The following KCNQ5 variants were observed in gnomAD, a reference collection of about 807,000 sequenced individuals.
KCNQ5 encodes potassium voltage-gated channel subfamily KQT member 5.
A neutral mutation model predicts 98.2 loss-of-function variants in KCNQ5; 30 were observed. The observed-to-expected ratio is 0.31, with a 90% CI of 0.23 to 0.41. The LOEUF is 0.41. Ranked by LOEUF, KCNQ5 falls within the 10% of genes least tolerant of loss-of-function variation. The pLI is 1.00. For missense variants in KCNQ5, 835 were observed against 1,182.5 expected, an observed-to-expected ratio of 0.71 and a Z score of 4.31; for synonymous variants, 458 against 449.4, an observed-to-expected ratio of 1.02 and a Z score of -0.24.
intron 11 of KCNQ5, among the ~76,000 whole-genome samples, chr6:73,186,055 C>T (rs913468362): frequency 6.6e-6 from 1 of 151,548 alleles, no homozygotes; most frequent in Non-Finnish European, 1.5e-5. Context: ...GGAGACCCCC[C>T]CTATCTCTGC....
chr6:72,920,636 A>G (rs1429608592), intron 1 of KCNQ5, among the ~76,000 whole-genome samples: 4 of 152,122 alleles, frequency 2.6e-5, no homozygotes, highest in African/African-American at 9.7e-5. Context: ...AAGCCTGACA[A>G]TCTCTTTTTC....
intron 1 of KCNQ5, among the ~76,000 whole-genome samples, chr6:72,682,000 C>T (rs1346135950): frequency 6.6e-6 from 1 of 152,140 alleles, no homozygotes; most frequent in Non-Finnish European, 1.5e-5. Flanking sequence ...GGAGTGACCT[C>T]CTTCTTGTGA....
At chr6:72,666,898 C>A (rs754199925) in intron 1 of KCNQ5, among the ~76,000 whole-genome samples, 5 of 152,108 alleles carry the variant, frequency 3.3e-5, no homozygotes, top group African/African-American at 4.8e-5. Flanking sequence ...GTTATGGTTT[C>A]CATCTTTTAC....
rs563243048 is a variant in KCNQ5 at position 72,645,229 on chromosome 6, A to C, written c.398+22642A>C. ...CAAAAAAAAACAAAAAAAAACAAAAAAAACATAGTAGCTGCGTATGGTGGG... is the reference window on the plus strand; with the variant it reads ...CAAAAAAAAACAAAAAAAAACAAAACAAACATAGTAGCTGCGTATGGTGGG... On this transcript the variant is annotated intron_variant, in intron 1 of 13. Coordinates refer to ENST00000370398, the MANE Select transcript of KCNQ5 (RefSeq NM_019842.4). Among the ~76,000 whole-genome samples the C allele has an allele frequency of 4.0e-5, 6 of 151,644 alleles. No individual in the cohort carries two copies. In the East Asian group the frequency reaches 1.2e-3, roughly 29 times the overall value.
chr6:73,005,132 C>A (rs1302031558), intron 2 of KCNQ5, among the ~76,000 whole-genome samples: 2 of 152,190 alleles, frequency 1.3e-5, no homozygotes, highest in East Asian at 3.9e-4. Flanking sequence ...CATTTGCATA[C>A]AAATTGTGCT....
At chr6:72,814,315 G>A (rs1445517662) in intron 1 of KCNQ5, among the ~76,000 whole-genome samples, 1 of 152,176 alleles carries the variant, frequency 6.6e-6, no homozygotes, top group Non-Finnish European at 1.5e-5. Context: ...AGGCTGCCTG[G>A]CTTCAAGTCG....
intron 10 of KCNQ5, among the ~76,000 whole-genome samples, chr6:73,146,655 C>CAAAAAAAA (rs1776939013): frequency 1.9e-5 from 2 of 107,640 alleles, no homozygotes; most frequent in African/African-American, 9.9e-5. Flanking sequence ...AAAAAAAAAG[C>CAAAAAAAA]AATTCATTGA....
At chr6:73,080,252 G>T (rs1773710258) in intron 5 of KCNQ5, among the ~76,000 whole-genome samples, 1 of 152,042 alleles carries the variant, frequency 6.6e-6, no homozygotes, top group Non-Finnish European at 1.5e-5. Context: ...CTGCTAATTT[G>T]ACTGACATTT....
At chr6:72,770,047 G>A (rs1479789058) in intron 1 of KCNQ5, among the ~76,000 whole-genome samples, 1 of 152,112 alleles carries the variant, frequency 6.6e-6, no homozygotes, top group Admixed American at 6.6e-5. Context: ...AGAGTCCACA[G>A]CAAGTAAGCC....
intron 2 of KCNQ5, among the ~76,000 whole-genome samples, chr6:73,037,494 T>C (rs1024886242): frequency 2.0e-5 from 3 of 152,240 alleles, no homozygotes; most frequent in Non-Finnish European, 1.5e-5. Context: ...TATTATTTTA[T>C]GTTTAATTTT....
chr6:73,148,017 TA>T (rs1321624852), intron 10 of KCNQ5, among the ~76,000 whole-genome samples: 1 of 152,128 alleles, frequency 6.6e-6, no homozygotes, highest in East Asian at 1.9e-4. Flanking sequence ...AGATAGTATA[TA>T]TAACATATGC....
chr6:73,198,442 A>G lies in KCNQ5; in HGVS notation c.*3028A>G, dbSNP rs573818156. On this transcript the variant is annotated 3_prime_UTR_variant, in exon 14 of 14. Transcript: ENST00000370398. Reference sequence around the variant, plus strand: ...TCTGAAGTTCTTAATTTGCAAGTAAAATAAGTCTACTAGAGAGGAGGAAAT... The same window carrying G: ...TCTGAAGTTCTTAATTTGCAAGTAAGATAAGTCTACTAGAGAGGAGGAAAT... 5.3e-5 allele frequency: 8 copies of G among 152,342 alleles called. No individual in the cohort carries two copies. In the South Asian group the frequency reaches 1.5e-3, roughly 28 times the overall value. The allele number at this position is 152,342 out of a possible 1,614,324, so 9.4% of individuals were successfully genotyped here. A position where few individuals can be genotyped will look rare whatever the true frequency, so the allele number is the denominator to read the frequency against.
At chr6:72,837,679 C>T (rs1776564822) in intron 1 of KCNQ5, among the ~76,000 whole-genome samples, 1 of 151,922 alleles carries the variant, frequency 6.6e-6, no homozygotes, top group African/African-American at 2.4e-5. Flanking sequence ...TTCCTTTTGC[C>T]AGCATAAGAT....
intron 1 of KCNQ5, among the ~76,000 whole-genome samples, chr6:72,871,961 G>A (rs1201395466): frequency 6.6e-6 from 1 of 152,128 alleles, no homozygotes; most frequent in Non-Finnish European, 1.5e-5. Flanking sequence ...TTCCAGGATA[G>A]GAGGCTTCCC....
chr6:72,939,875 G>C (rs1339304070), intron 1 of KCNQ5, among the ~76,000 whole-genome samples: 1 of 152,162 alleles, frequency 6.6e-6, no homozygotes, highest in Non-Finnish European at 1.5e-5. Context: ...ATGAAGATGA[G>C]TAAAATGTAA....
chr6:72,802,184 A>G lies in KCNQ5; in HGVS notation c.398+179597A>G, dbSNP rs533039220. ...TCTGAATGTTGGCCTGCCTTGCTAG[A>G]TTGGGGAAGTTCTCCTGGATAATAT... On this transcript the variant is annotated intron_variant, in intron 1 of 13. Transcript: ENST00000370398. Among the ~76,000 whole-genome samples the G allele has an allele frequency of 1.7e-4, 26 of 152,080 alleles. 1 individual carries two copies. The East Asian group carries it at 5.0e-3, about 29-fold the overall frequency.
chr6:73,077,997 GA>G, intron 5 of KCNQ5, 110 bp downstream of exon 5: 2 of 900,706 alleles, frequency 2.2e-6, no homozygotes, highest in South Asian at 4.5e-5. Flanking sequence ...AATTGCGAAA[GA>G]GAGTTATATG....
chr6:73,162,455 G>A (rs1777651329), intron 10 of KCNQ5, among the ~76,000 whole-genome samples: 1 of 152,128 alleles, frequency 6.6e-6, no homozygotes. Flanking sequence ...TTATTCCATT[G>A]GCATTTTGCC....
intron 1 of KCNQ5, among the ~76,000 whole-genome samples, chr6:72,961,615 C>A (rs1355282814): frequency 2.7e-5 from 3 of 113,200 alleles, no homozygotes; most frequent in Admixed American, 8.9e-5. Context: ...GAGCGAGACT[C>A]CGTCTCAAAA....
Sources: gnomAD v4.1 joint callset for allele counts (sites outside exome capture counted in the v4.1 genomes callset) on GRCh38, gnomAD v4.1.1 for gene constraint, MANE v1.5 for transcripts, NCBI Gene and HGNC (gene_info 2026-07-23, HGNC 2026-07-21) for gene names.